CSMD1: variants seen among roughly 807,000 people sequenced by gnomAD.
CSMD1 encodes CUB and Sushi multiple domains 1.
CSMD1 carries 213 observed loss-of-function variants against 417.5 expected under a neutral mutation model. The observed-to-expected ratio is 0.51, with a 90% confidence interval of 0.46 to 0.57. The LOEUF (loss-of-function observed/expected upper bound fraction) is 0.57, where lower values mean the gene tolerates loss of function less well. CSMD1 is among the 20% of genes least tolerant of loss of function. The pLI is 0.00. For synonymous variants in CSMD1, 2,862 were observed against 1,736.8 expected (o/e 1.65, Z -16.11); for missense variants, 6,923 against 4,529.7 (o/e 1.53, Z -15.17).
chr8:3,968,278 G>C (rs1288536473), intron 5 of CSMD1, among the ~76,000 whole-genome samples: 3 of 152,030 alleles, frequency 2.0e-5, no homozygotes, highest in African/African-American at 7.3e-5. Flanking sequence ...TAGGTAGTAT[G>C]AGTATTGCCT....
intron 12 of CSMD1, among the ~76,000 whole-genome samples, chr8:3,428,741 G>C (rs1385775289): frequency 6.6e-6 from 1 of 152,172 alleles, no homozygotes; most frequent in Non-Finnish European, 1.5e-5. Flanking sequence ...ACATGGAAGA[G>C]ATAGCTGCAC....
At chr8:4,290,298 G>T (rs181214020) in intron 3 of CSMD1, among the ~76,000 whole-genome samples, 3 of 152,080 alleles carry the variant, frequency 2.0e-5, no homozygotes, top group Non-Finnish European at 4.4e-5. Flanking sequence ...TATGTCTACA[G>T]ATGTGAAATT....
chr8:4,456,219 T>C (rs1322579697), intron 2 of CSMD1, among the ~76,000 whole-genome samples: 2 of 152,008 alleles, frequency 1.3e-5, no homozygotes, highest in East Asian at 1.9e-4. Context: ...CTTGGGCCAA[T>C]TGGTTCAGAA....
At chr8:4,186,852 C>T (rs1311460788) in intron 3 of CSMD1, among the ~76,000 whole-genome samples, 4 of 144,832 alleles carry the variant, frequency 2.8e-5, no homozygotes, top group East Asian at 2.0e-4. Context: ...AAAAATCAGC[C>T]GGGCGTGGTG....
At chr8:4,267,680 C>T (rs555824084) in intron 3 of CSMD1, among the ~76,000 whole-genome samples, 3 of 152,006 alleles carry the variant, frequency 2.0e-5, no homozygotes, top group Non-Finnish European at 2.9e-5. Flanking sequence ...TGGCTTCACT[C>T]CCTCCTTAGT....
chr8:4,774,079 C>G (rs1164114476), intron 1 of CSMD1, among the ~76,000 whole-genome samples: 1 of 152,140 alleles, frequency 6.6e-6, no homozygotes, highest in Non-Finnish European at 1.5e-5. Flanking sequence ...TGCCTGTAAT[C>G]CCAGCTACTC....
intron 7 of CSMD1, among the ~76,000 whole-genome samples, chr8:3,659,914 G>C (rs563013917): frequency 6.6e-6 from 1 of 152,076 alleles, no homozygotes; most frequent in African/African-American, 2.4e-5. Flanking sequence ...TTCCAAGAAA[G>C]AGCATATCTT....
At position 4,900,083 on chromosome 8, in the gene CSMD1, T is replaced by C. The variant is rs190056721; in HGVS notation, c.85+94249A>G. ...CTCCATCTCTGGTAGTTCCTTCTGCTTCCACTGCAGACTCACCTTCCACCT... is the reference window on the plus strand; with the variant it reads ...CTCCATCTCTGGTAGTTCCTTCTGCCTCCACTGCAGACTCACCTTCCACCT... On this transcript the variant is annotated intron_variant, in intron 1 of 69. Coordinates refer to ENST00000635120, the MANE Select transcript of CSMD1 (RefSeq NM_033225.6). Among the ~76,000 whole-genome samples the C allele has an allele frequency of 3.3e-5, 5 of 152,282 alleles. No individual in the cohort carries two copies. The East Asian group carries it at 9.6e-4, about 29-fold the overall frequency.
chr8:4,333,974 C>T (rs987471297), intron 3 of CSMD1, among the ~76,000 whole-genome samples: 1 of 152,096 alleles, frequency 6.6e-6, no homozygotes, highest in Non-Finnish European at 1.5e-5. Flanking sequence ...TCACTGCAGT[C>T]TTAATGTTCT....
chr8:3,495,023 C>T (rs1444662041), intron 10 of CSMD1, among the ~76,000 whole-genome samples: 2 of 152,134 alleles, frequency 1.3e-5, no homozygotes, highest in East Asian at 1.9e-4. Context: ...ACTTGAAATT[C>T]TTACTAAAAT....
intron 12 of CSMD1, among the ~76,000 whole-genome samples, chr8:3,436,779 TTTC>T (rs1008235470): frequency 6.6e-6 from 1 of 152,188 alleles, no homozygotes; most frequent in African/African-American, 2.4e-5. Context: ...AAAAAGATAT[TTTC>T]TTCTTCTCTT....
At position 4,620,626 on chromosome 8, in the gene CSMD1, T is replaced by C. The variant is rs1801722552; in HGVS notation, c.302+16716A>G. On this transcript the variant is annotated intron_variant, in intron 2 of 69. Transcript: ENST00000635120. ...AATAAGACTGCTTGAAAAGCCCAAA[T>C]ATATGAAATCATACAACATGCTTCT... 2.0e-5 allele frequency among the ~76,000 whole-genome samples: 3 copies of C among 151,896 alleles called. No homozygotes were observed. In the South Asian group the frequency reaches 6.2e-4, roughly 32 times the overall value.
intron 10 of CSMD1, among the ~76,000 whole-genome samples, chr8:3,536,694 G>C (rs565663420): frequency 1.3e-5 from 2 of 152,254 alleles, no homozygotes; most frequent in South Asian, 4.1e-4. Context: ...TAGGATCTGT[G>C]CCCTCAGAGC....
intron 3 of CSMD1, among the ~76,000 whole-genome samples, chr8:4,314,471 T>C (rs7007080): frequency 9.0e-4 from 137 of 151,932 alleles, no homozygotes; most frequent in Non-Finnish European, 1.9e-4. Flanking sequence ...TTCAATTGCA[T>C]CCGTTCCTTG....
rs150379410 is a variant in CSMD1 at position 3,660,093 on chromosome 8, T to C, written c.1010-43296A>G. On this transcript the variant is annotated intron_variant, in intron 7 of 69. Transcript: ENST00000635120. ...ATAAAATAGAAATAAGGTACCATCG[T>C]GATGTATGTGGCTGACATTTTATAG... 3.1e-3 allele frequency among the ~76,000 whole-genome samples: 473 copies of C among 152,322 alleles called. 2 individuals carry two copies. The highest frequency in any genetic ancestry group is 0.011 in the African/African-American group (453 of 41,582).
At chr8:4,118,136 C>A (rs1802267528) in intron 3 of CSMD1, among the ~76,000 whole-genome samples, 1 of 151,746 alleles carries the variant, frequency 6.6e-6, no homozygotes, top group South Asian at 2.1e-4. Context: ...AGGAAACGGC[C>A]CTTGGCAGAC....
At chr8:4,874,878 G>C (rs1042296667) in intron 1 of CSMD1, among the ~76,000 whole-genome samples, 1 of 147,868 alleles carries the variant, frequency 6.8e-6, no homozygotes, top group Non-Finnish European at 1.5e-5. Context: ...TGTATATATA[G>C]TATAGAGTAT....
intron 25 of CSMD1, among the ~76,000 whole-genome samples, chr8:3,301,345 G>T (rs968182260): frequency 6.6e-6 from 1 of 152,056 alleles, no homozygotes; most frequent in Non-Finnish European, 1.5e-5. Context: ...GCTTCAGATG[G>T]GGTCTAAATG....
At chr8:3,825,133 C>G (rs986545217) in intron 5 of CSMD1, among the ~76,000 whole-genome samples, 1 of 152,080 alleles carries the variant, frequency 6.6e-6, no homozygotes, top group Admixed American at 6.6e-5. Flanking sequence ...AAAGGAAGCA[C>G]AGGGGAGATT....
Sources: allele counts gnomAD v4.1 joint callset (sites outside exome capture counted in the v4.1 genomes callset), GRCh38; gene constraint gnomAD v4.1.1; transcripts MANE v1.5; gene names NCBI Gene and HGNC (gene_info 2026-07-23, HGNC 2026-07-21).